Variants in CADM1 observed in about 807,000 individuals in gnomAD.
CADM1 encodes cell adhesion molecule 1.
In CADM1, 15 loss-of-function variants were observed where a neutral mutation model predicts 53.1. The ratio of observed to expected loss-of-function variants is 0.28; its 90% confidence interval spans 0.19 to 0.44. The LOEUF (loss-of-function observed/expected upper bound fraction) is 0.44. Ranked by LOEUF, CADM1 falls within the 20% of genes least tolerant of loss-of-function variation. The pLI is 1.00. For synonymous variants in CADM1, 281 were observed against 243.0 expected, an observed-to-expected ratio of 1.16 and a Z score of -1.45; for missense variants, 434 against 611.3, an observed-to-expected ratio of 0.71 and a Z score of 3.06.
chr11:115,474,744 T>A (rs1370893363), intron 1 of CADM1, among the ~76,000 whole-genome samples: 1 of 151,250 alleles, frequency 6.6e-6, no homozygotes, highest in African/African-American at 2.4e-5. Context: ...ATATACCTAA[T>A]GTAAATGACG....
chr11:115,202,995 CCT>C lies in CADM1; in HGVS notation c.1079-4559_1079-4558del, dbSNP rs372869360. 3.0e-3 allele frequency among the ~76,000 whole-genome samples: 457 copies of C among 152,112 alleles called. 6 individuals carry two copies. Among genetic ancestry groups the C allele is most frequent in the African/African-American group, 0.01 (434 of 41,500 alleles). ...CTATGTTATGTTTTAATCAAACTCC[CCT>C]GTCTTAGGGATGGGAGAAGTGGATA... On this transcript the variant is annotated intron_variant, in intron 8 of 11. Coordinates refer to ENST00000331581, the MANE Select transcript of CADM1 (RefSeq NM_001301043.2).
At chr11:115,441,644 A>C (rs1437675948) in intron 1 of CADM1, among the ~76,000 whole-genome samples, 2 of 152,186 alleles carry the variant, frequency 1.3e-5, no homozygotes, top group Non-Finnish European at 2.9e-5. Context: ...TACTCACGCC[A>C]ATCACTTGGA....
intron 1 of CADM1, among the ~76,000 whole-genome samples, chr11:115,432,938 G>A (rs1436546131): frequency 1.3e-5 from 2 of 152,160 alleles, no homozygotes; most frequent in African/African-American, 4.8e-5. Flanking sequence ...AATGATCAAG[G>A]CCTATCTTCC....
chr11:115,396,280 T>C (rs1004655553), intron 1 of CADM1, among the ~76,000 whole-genome samples: 3 of 152,162 alleles, frequency 2.0e-5, no homozygotes, highest in Admixed American at 6.5e-5. Flanking sequence ...AGATTTAAGA[T>C]AGAAGAAAGT....
chr11:115,179,192 G>A lies in CADM1; in HGVS notation c.1166-417C>T, dbSNP rs796557419. On this transcript the variant is annotated intron_variant, in intron 10 of 11. Transcript: ENST00000331581. ...AAGGGTACAGCATCTTTCTATAGAC[G>A]CCCAATGACTTTTATTATCTGGTAG... is the stretch of plus-strand genomic sequence containing the variant. 1.9e-4 allele frequency: 44 copies of A among 229,326 alleles called. 1 individual carries two copies. Among genetic ancestry groups the A allele is most frequent in the African/African-American group, 8.6e-4 (39 of 45,500 alleles). The allele number at this position is 229,326 out of a possible 1,614,324, so 14.2% of individuals were successfully genotyped here. A position where few individuals can be genotyped will look rare whatever the true frequency, so the allele number is the denominator to read the frequency against.
intron 1 of CADM1, among the ~76,000 whole-genome samples, chr11:115,270,133 T>C (rs1292606831): frequency 6.6e-6 from 1 of 152,198 alleles, no homozygotes; most frequent in Non-Finnish European, 1.5e-5. Context: ...ATGACAGCGC[T>C]CTTTCCAATT....
intron 3 of CADM1, among the ~76,000 whole-genome samples, chr11:115,232,886 G>A (rs1941872724): frequency 6.6e-6 from 1 of 152,124 alleles, no homozygotes; most frequent in Non-Finnish European, 1.5e-5. Flanking sequence ...AGAGAAACAA[G>A]AAATTAAATA....
chr11:115,292,556 A>C (rs1943933193), intron 1 of CADM1, among the ~76,000 whole-genome samples: 1 of 152,218 alleles, frequency 6.6e-6, no homozygotes, highest in Admixed American at 6.5e-5. Context: ...AATTAGTAAT[A>C]ATTAAAAATT....
At chr11:115,330,782 G>A (rs1318260372) in intron 1 of CADM1, among the ~76,000 whole-genome samples, 1 of 152,136 alleles carries the variant, frequency 6.6e-6, no homozygotes, top group Non-Finnish European at 1.5e-5. Context: ...GGAAGCAGGT[G>A]CAAATCCTGG....
At chr11:115,499,112 C>CA (rs1216577731) in intron 1 of CADM1, among the ~76,000 whole-genome samples, 14 of 150,968 alleles carry the variant, frequency 9.3e-5, no homozygotes, top group Non-Finnish European at 3.0e-5. Flanking sequence ...TAAAAAACAA[C>CA]AAAAAAAATT....
chr11:115,240,569 A>C, intron 1 of CADM1, 149 bp from the exon 2 acceptor site: 1 of 809,294 alleles, frequency 1.2e-6, no homozygotes, highest in Non-Finnish European at 2.1e-6. Context: ...TTTGTAGTCT[A>C]CAAAACGAGT....
intron 1 of CADM1, among the ~76,000 whole-genome samples, chr11:115,320,127 G>T (rs1383943840): frequency 6.6e-6 from 1 of 152,088 alleles, no homozygotes; most frequent in African/African-American, 2.4e-5. Flanking sequence ...GCAGTAGTGC[G>T]ATCATAGCTC....
chr11:115,224,712 T>C (rs2134818833), intron 5 of CADM1, among the ~76,000 whole-genome samples: 1 of 152,288 alleles, frequency 6.6e-6, no homozygotes, highest in South Asian at 2.1e-4. Context: ...CAGCTTTTCT[T>C]TGAATTCCCA....
intron 1 of CADM1, among the ~76,000 whole-genome samples, chr11:115,331,823 T>C (rs1335789190): frequency 6.6e-6 from 1 of 151,796 alleles, no homozygotes; most frequent in African/African-American, 2.4e-5. Flanking sequence ...CACATACAAA[T>C]ATTCACATAG....
chr11:115,237,030 G>A (rs1942033107), intron 3 of CADM1, among the ~76,000 whole-genome samples: 1 of 152,118 alleles, frequency 6.6e-6, no homozygotes, highest in Non-Finnish European at 1.5e-5. Flanking sequence ...CACTTTTGTG[G>A]AAATGCCATA....
At chr11:115,382,056 G>A (rs1946592846) in intron 1 of CADM1, among the ~76,000 whole-genome samples, 1 of 152,124 alleles carries the variant, frequency 6.6e-6, no homozygotes, top group African/African-American at 2.4e-5. Flanking sequence ...TGGTGGCCAG[G>A]CTGGTCTCAA....
chr11:115,448,716 G>T (rs1948507206), intron 1 of CADM1, among the ~76,000 whole-genome samples: 1 of 152,054 alleles, frequency 6.6e-6, no homozygotes, highest in African/African-American at 2.4e-5. Context: ...AAAGAATGGG[G>T]TTACTAGCAA....
chr11:115,445,327 C>T (rs898276831), intron 1 of CADM1, among the ~76,000 whole-genome samples: 1 of 152,044 alleles, frequency 6.6e-6, no homozygotes, highest in East Asian at 1.9e-4. Context: ...AGCTCAGGAC[C>T]GTGGGCCAGT....
At chr11:115,349,005 A>G (rs1216450036) in intron 1 of CADM1, among the ~76,000 whole-genome samples, 1 of 152,222 alleles carries the variant, frequency 6.6e-6, no homozygotes, top group Non-Finnish European at 1.5e-5. Context: ...GAAACTCAGT[A>G]CTAAAATTAG....
Sources: allele counts gnomAD v4.1 joint callset (sites outside exome capture counted in the v4.1 genomes callset), GRCh38; gene constraint gnomAD v4.1.1; transcripts MANE v1.5; gene names NCBI Gene and HGNC (gene_info 2026-07-23, HGNC 2026-07-21).